Variants in KPNA3 observed in about 807,000 individuals in gnomAD.
KPNA3 encodes the protein karyopherin subunit alpha 3.
KPNA3 carries 13 observed loss-of-function variants against 73.8 expected under a neutral mutation model. The ratio of observed to expected loss-of-function variants is 0.18; its 90% CI spans 0.11 to 0.28. The LOEUF (loss-of-function observed/expected upper bound fraction) is 0.28. KPNA3 is among the 10% of genes least tolerant of loss of function. KPNA3 has a pLI of 1.00. For synonymous variants in KPNA3, 186 were observed against 206.9 expected (o/e 0.90, Z 0.87); for missense variants, 360 against 618.1 (o/e 0.58, Z 4.43).
chr13:49,776,045 C>A (rs991830146), intron 1 of KPNA3, among the ~76,000 whole-genome samples: 4 of 152,100 alleles, frequency 2.6e-5, no homozygotes, highest in African/African-American at 9.7e-5. Flanking sequence ...AAAACAAAAG[C>A]AAATATCCAG....
At chr13:49,758,225 TAG>T (rs1339728135) in intron 1 of KPNA3, among the ~76,000 whole-genome samples, 4 of 152,120 alleles carry the variant, frequency 2.6e-5, no homozygotes, top group Admixed American at 2.0e-4. Flanking sequence ...CATAAATATA[TAG>T]GTGATGACAA....
chr13:49,790,177 A>G (rs1460413793), intron 1 of KPNA3, among the ~76,000 whole-genome samples: 3 of 152,204 alleles, frequency 2.0e-5, no homozygotes, highest in East Asian at 1.9e-4. Context: ...TTTTTTATCT[A>G]AAGTTCCAGC....
chr13:49,750,377 G>C (rs1954651502), intron 1 of KPNA3, among the ~76,000 whole-genome samples: 1 of 152,196 alleles, frequency 6.6e-6, no homozygotes, highest in African/African-American at 2.4e-5. Context: ...AGCAGACTAG[G>C]TGCAGTGGCT....
At position 49,706,084 on chromosome 13, in the gene KPNA3, G is replaced by A. The variant is rs766192216; in HGVS notation, c.1209+14C>T. On this transcript the variant is annotated intron_variant, in intron 14 of 16. Coordinates refer to ENST00000261667, the MANE Select transcript of KPNA3 (RefSeq NM_002267.4). Reference sequence around the variant, plus strand: ...GTATTAACAATCATGACAGTTACAGGTTTTCAAACTCACCTGATCTTTTCT... The same window carrying A: ...GTATTAACAATCATGACAGTTACAGATTTTCAAACTCACCTGATCTTTTCT... The A allele has an allele frequency of 6.2e-7, 1 of 1,609,276 alleles. No individual in the cohort carries two copies. The highest frequency in any genetic ancestry group is 2.2e-5 in the East Asian group (1 of 44,844).
At chr13:49,763,508 T>G (rs1269073034) in intron 1 of KPNA3, among the ~76,000 whole-genome samples, 1 of 152,150 alleles carries the variant, frequency 6.6e-6, no homozygotes, top group Non-Finnish European at 1.5e-5. Context: ...TTTCCAGAAT[T>G]GATAAAAAAC....
intron 14 of KPNA3, 60 bp from the exon 15 acceptor site, chr13:49,705,843 T>C: frequency 7.1e-7 from 1 of 1,398,610 alleles, no homozygotes; most frequent in East Asian, 2.5e-5. Flanking sequence ...CCCAGTAGGG[T>C]GTCGTGCTAC....
intron 1 of KPNA3, among the ~76,000 whole-genome samples, chr13:49,787,830 C>T (rs1025943382): frequency 7.9e-5 from 12 of 152,162 alleles, no homozygotes; most frequent in Admixed American, 3.3e-4. Context: ...CAGGCACGCG[C>T]CACCATGCCC....
Position 49,709,583 on chromosome 13 carries a change from T to G in KPNA3, c.1021A>C (p.Lys341Gln). 1 of 1,612,914 alleles carries G rather than the reference T, an allele frequency of 6.2e-7. No individual in the cohort carries two copies. Reference sequence around the variant, plus strand: ...ATTATATGCCTTACCTTATTTATCTTCTCTTTTGGGTGTGATAAGAGATTT... The same window carrying G: ...ATTATATGCCTTACCTTATTTATCTGCTCTTTTGGGTGTGATAAGAGATTT... ...FPNLLSHPKE[K>Q]INKEAVWFLS... The change falls in exon 12 of 17, where the codon AAG (lysine) becomes CAG (glutamine). Residue 341 changes from lysine (K) to glutamine (Q), a missense_variant. Physicochemically the swap from Lys to Gln is moderately conservative, Grantham distance 53. Around this residue, in one of 3 missense-constraint regions of KPNA3, gnomAD observed 287 missense variants for 549.1 expected, o/e 0.52. Transcript: ENST00000261667.
chr13:49,746,065 A>AC (rs1491422866), intron 2 of KPNA3, among the ~76,000 whole-genome samples: 1 of 9,034 alleles, frequency 1.1e-4, no homozygotes, highest in Non-Finnish European at 8.0e-4. Flanking sequence ...TCTGCATCAG[A>AC]AAAAAAAAAA....
chr13:49,734,875 C>T (rs980704662), intron 2 of KPNA3, among the ~76,000 whole-genome samples: 1 of 150,702 alleles, frequency 6.6e-6, no homozygotes, highest in Non-Finnish European at 1.5e-5. Context: ...TGAATTTCCC[C>T]TTCTAATTTT....
chr13:49,701,697 C>T lies in KPNA3; in HGVS notation c.*103G>A. 1 of 806,736 alleles carries T rather than the reference C, an allele frequency of 1.2e-6. No homozygotes were observed. The highest frequency in any genetic ancestry group is 2.2e-6 in the Non-Finnish European group (1 of 449,144). The allele number at this position is 806,736 out of a possible 1,614,324, so 50.0% of individuals were successfully genotyped here. ...CTTTAGAAGCATCAAAACAAAGAGG[C>T]ATGTGTGTTTTGGAGCCTTTTGTTG... On this transcript the variant is annotated 3_prime_UTR_variant, in exon 17 of 17. Transcript: ENST00000261667.
chr13:49,739,812 C>G (rs963267378), intron 2 of KPNA3, among the ~76,000 whole-genome samples: 1 of 152,184 alleles, frequency 6.6e-6, no homozygotes, highest in Non-Finnish European at 1.5e-5. Flanking sequence ...TGAAACTAAG[C>G]ACACTGTTTA....
intron 9 of KPNA3, among the ~76,000 whole-genome samples, chr13:49,721,397 T>C (rs1954356042): frequency 6.6e-6 from 1 of 152,246 alleles, no homozygotes; most frequent in South Asian, 2.1e-4. Flanking sequence ...CTCTGAATTT[T>C]TATATTTTCT....
intron 12 of KPNA3, among the ~76,000 whole-genome samples, chr13:49,706,718 C>G (rs1039107048): frequency 6.6e-6 from 1 of 151,464 alleles, no homozygotes; most frequent in African/African-American, 2.4e-5. Context: ...CTCTAAAAGA[C>G]AGAAATAAAT....
chr13:49,724,758 T>C (rs1479542960), intron 7 of KPNA3, among the ~76,000 whole-genome samples: 1 of 152,176 alleles, frequency 6.6e-6, no homozygotes, highest in Non-Finnish European at 1.5e-5. Flanking sequence ...CACCATGCAA[T>C]GCTAATTTTT....
chr13:49,715,009 T>G (rs1298764395), intron 10 of KPNA3, among the ~76,000 whole-genome samples: 1 of 151,916 alleles, frequency 6.6e-6, no homozygotes, highest in Non-Finnish European at 1.5e-5. Context: ...AATATAAGTT[T>G]TATTAATAGA....
chr13:49,733,299 T>TTTTG (rs1258846430), intron 2 of KPNA3, among the ~76,000 whole-genome samples: 1 of 148,564 alleles, frequency 6.7e-6, no homozygotes, highest in Non-Finnish European at 1.5e-5. Flanking sequence ...TTTTTTTTTT[T>TTTTG]TTTTGGAGAC....
At position 49,792,604 on chromosome 13, in the gene KPNA3, G is replaced by GGA; in HGVS notation, c.-99_-98insTC. The GGA allele has an allele frequency of 3.8e-6, 1 of 260,704 alleles. No homozygotes were observed. The highest frequency in any genetic ancestry group is 6.6e-6 in the Non-Finnish European group (1 of 152,446). The allele number at this position is 260,704 out of a possible 1,614,324, so 16.1% of individuals were successfully genotyped here. A position where few individuals can be genotyped will look rare whatever the true frequency, so the allele number is the denominator to read the frequency against. Reference sequence around the variant, plus strand: ...GGGGAGGAGGGGGAGAGCGGGAGGGGGGAGGGGAGAGAAGAGCACGTTCTG... The same window carrying GGA: ...GGGGAGGAGGGGGAGAGCGGGAGGGGGAGGAGGGGAGAGAAGAGCACGTTCTG... On this transcript the variant is annotated 5_prime_UTR_variant, in exon 1 of 17. Transcript: ENST00000261667.
intron 6 of KPNA3, among the ~76,000 whole-genome samples, chr13:49,728,689 C>T (rs1299389130): frequency 1.3e-5 from 2 of 152,158 alleles, no homozygotes; most frequent in Non-Finnish European, 2.9e-5. Context: ...AGGTATTATT[C>T]TTGTTGACCT....
Sources: allele counts gnomAD v4.1 joint callset (sites outside exome capture counted in the v4.1 genomes callset), GRCh38; gene constraint gnomAD v4.1.1; regional missense constraint gnomAD v4.1.1; transcripts MANE v1.5; gene names NCBI Gene and HGNC (gene_info 2026-07-23, HGNC 2026-07-21).